Variants in ZBTB7B observed in about 807,000 individuals in gnomAD.
The protein encoded by ZBTB7B is zinc finger and BTB domain containing 7B.
ZBTB7B carries 8 observed loss-of-function variants against 31.0 expected under a neutral mutation model. The observed-to-expected ratio is 0.26, with a 90% confidence interval of 0.15 to 0.47. The LOEUF is 0.47. Ranked by LOEUF, ZBTB7B falls within the 20% of genes least tolerant of loss-of-function variation. ZBTB7B has a pLI of 0.99. For synonymous variants in ZBTB7B, 261 were observed against 307.3 expected (o/e 0.85, Z 1.58); for missense variants, 494 against 742.4 (o/e 0.67, Z 3.89).
At chr1:155,010,810 T>TGG in intron 1 of ZBTB7B, 1 of 856,634 alleles carries the variant, frequency 1.2e-6, no homozygotes, top group Non-Finnish European at 1.8e-6. Flanking sequence ...GGAGTTGGGG[T>TGG]GGGGGGGTGG....
intron 1 of ZBTB7B, among the ~76,000 whole-genome samples, chr1:155,007,095 G>A (rs1367323877): frequency 6.6e-6 from 1 of 152,234 alleles, no homozygotes; most frequent in African/African-American, 2.4e-5. Context: ...TCAGAACTGG[G>A]ATGGGTTGGA....
Position 155,015,575 on chromosome 1 carries a change from A to C in ZBTB7B, c.915A>C (p.Ser305=). 6.2e-7 allele frequency: 1 copy of C among 1,613,810 alleles called. No homozygotes were observed. Among genetic ancestry groups the C allele is most frequent in the Non-Finnish European group, 8.5e-7 (1 of 1,179,956 alleles). ...CGCTGTCCCCAGAGGAGCTGGGCTCAGATGAGGATGCCATCGATCCTGACC... is the reference window on the plus strand; with the variant it reads ...CGCTGTCCCCAGAGGAGCTGGGCTCCGATGAGGATGCCATCGATCCTGACC... The part of the protein sequence containing the change: ...GPPLSPEELG[S]DEDAIDPDLM... The change falls in exon 2 of 3, where the codon TCA becomes TCC. Residue 305 remains serine, a synonymous_variant. Transcript: ENST00000535420.
chr1:155,005,284 G>C (rs958784301), intron 1 of ZBTB7B, among the ~76,000 whole-genome samples: 3 of 152,132 alleles, frequency 2.0e-5, no homozygotes, highest in African/African-American at 7.2e-5. Flanking sequence ...AAGCAGGTGG[G>C]GAGGAAAGGG....
intron 1 of ZBTB7B, among the ~76,000 whole-genome samples, chr1:155,009,391 G>T (rs1205319979): frequency 6.6e-6 from 1 of 152,024 alleles, no homozygotes; most frequent in Non-Finnish European, 1.5e-5. Context: ...GGGGGGAGGG[G>T]GTGGGCACAG....
At chr1:155,014,351 C>A in intron 1 of ZBTB7B, 1 of 298,386 alleles carries the variant, frequency 3.4e-6, no homozygotes, top group Non-Finnish European at 6.2e-6. Context: ...CTCCTGCTGC[C>A]ACAGAGGCAG....
Position 155,016,154 on chromosome 1 carries a change from A to G in ZBTB7B, c.1155-66A>G. Reference sequence around the variant, plus strand: ...AGGGATGGGACAAGGCCAGGGTGGGATGACCAGGAGGAGCCAGGGATCCCA... The same window carrying G: ...AGGGATGGGACAAGGCCAGGGTGGGGTGACCAGGAGGAGCCAGGGATCCCA... On this transcript the variant is annotated intron_variant, in intron 2 of 2. Coordinates refer to ENST00000535420, the MANE Select transcript of ZBTB7B (RefSeq NM_001256455.2). The surrounding 1 kb of genome is among the most constrained non-coding windows in gnomAD (Gnocchi z 4.3). The G allele has an allele frequency of 6.5e-7, 1 of 1,532,068 alleles. No individual in the cohort carries two copies. Among genetic ancestry groups the G allele is most frequent in the Non-Finnish European group, 8.9e-7 (1 of 1,121,238 alleles). The allele number at this position is 1,532,068 out of a possible 1,614,324, so 94.9% of individuals were successfully genotyped here. A position where few individuals can be genotyped will look rare whatever the true frequency, so the allele number is the denominator to read the frequency against.
chr1:155,018,021 G>C lies in ZBTB7B; in HGVS notation c.*1336G>C, dbSNP rs1004346177. 6.4e-6 allele frequency: 1 copy of C among 156,870 alleles called. No individual in the cohort carries two copies. Among genetic ancestry groups the C allele is most frequent in the Admixed American group, 6.2e-5 (1 of 16,196 alleles). 9.7% of individuals were successfully genotyped at this position (156,870 alleles called of 1,614,324 possible). A position where few individuals can be genotyped will look rare whatever the true frequency, so the allele number is the denominator to read the frequency against. ...GGGTGGGGGACACCCCCCCTTCCTC[G>C]CTGGGTGCTGGACCCCTTTTGCAGC... On this transcript the variant is annotated 3_prime_UTR_variant, in exon 3 of 3. Coordinates refer to ENST00000535420, the MANE Select transcript of ZBTB7B (RefSeq NM_001256455.2).
Position 155,017,372 on chromosome 1 carries a change from A to AGTAGAGGGG in ZBTB7B, c.*688_*689insTAGAGGGGG. 1 of 108,600 alleles carries AGTAGAGGGG rather than the reference A, an allele frequency of 9.2e-6. No individual in the cohort carries two copies. The highest frequency in any genetic ancestry group is 3.1e-5 in the African/African-American group (1 of 32,376). 6.7% of individuals were successfully genotyped at this position (108,600 alleles called of 1,614,324 possible). A position where few individuals can be genotyped will look rare whatever the true frequency, so the allele number is the denominator to read the frequency against. ...TGGGGGCAGTAGAGGGGCCCCGCCC[A>AGTAGAGGGG]GCTAGGGGAGCCGCTCCGTTCCACT... On this transcript the variant is annotated 3_prime_UTR_variant, in exon 3 of 3. Coordinates refer to ENST00000535420, the MANE Select transcript of ZBTB7B (RefSeq NM_001256455.2).
chr1:155,016,867 C>G lies in ZBTB7B; in HGVS notation c.*182C>G. The G allele has an allele frequency of 1.8e-6, 1 of 561,540 alleles. No homozygotes were observed. Among genetic ancestry groups the G allele is most frequent in the Non-Finnish European group, 3.2e-6 (1 of 315,398 alleles). 34.8% of individuals were successfully genotyped at this position (561,540 alleles called of 1,614,324 possible). On this transcript the variant is annotated 3_prime_UTR_variant, in exon 3 of 3. Coordinates refer to ENST00000535420, the MANE Select transcript of ZBTB7B (RefSeq NM_001256455.2). This position sits in a 1 kb window ranked among gnomAD's most constrained non-coding sequence, Gnocchi z 4.3. ...CTAAGAAGGTATTGGGGCAGAGGCT[C>G]CCCAAATTGGGGTGATCCCCCAAGG...
chr1:155,010,037 A>G (rs1658844730), intron 1 of ZBTB7B, among the ~76,000 whole-genome samples: 2 of 151,952 alleles, frequency 1.3e-5, no homozygotes, highest in Non-Finnish European at 2.9e-5. Flanking sequence ...CAATGAGGGG[A>G]CAGAACCAGG....
Position 155,016,613 on chromosome 1 carries a change from G to C in ZBTB7B, c.1548G>C (p.Gly516=), listed in dbSNP as rs1659432744. The C allele has an allele frequency of 6.2e-7, 1 of 1,611,908 alleles. No homozygotes were observed. The highest frequency in any genetic ancestry group is 8.5e-7 in the Non-Finnish European group (1 of 1,178,734). The change falls in exon 3 of 3, where the codon GGG becomes GGC. Residue 516 remains glycine (G), a synonymous_variant. Transcript: ENST00000535420. The surrounding 1 kb of genome is among the most constrained non-coding windows in gnomAD (Gnocchi z 4.3). The stretch of plus-strand genomic sequence containing the variant: ...CTGGGCCCCCGGTCTCTACCCCAGG[G>C]CCCCCTGATGACGATGAGGAGGAAG... ...APTGPPVSTP[G]PPDDDEEEGA...
chr1:155,013,926 G>A, intron 1 of ZBTB7B: 1 of 583,922 alleles, frequency 1.7e-6, no homozygotes, highest in Non-Finnish European at 2.2e-6. Flanking sequence ...TAGAAGGGGA[G>A]ATGAACTTTT....
At chr1:155,014,485 AGAT>A in intron 1 of ZBTB7B, 167 bp from the exon 2 acceptor site, 1 of 643,806 alleles carries the variant, frequency 1.6e-6, no homozygotes, top group Admixed American at 3.0e-5. Flanking sequence ...TCTGTGAAAC[AGAT>A]GATGATCATA....
chr1:155,007,619 G>T (rs781335057), intron 1 of ZBTB7B, among the ~76,000 whole-genome samples: 1 of 152,222 alleles, frequency 6.6e-6, no homozygotes, highest in Non-Finnish European at 1.5e-5. Context: ...TGAGAACAGG[G>T]TCTTAGGCCT....
In ZBTB7B at chr1:155,017,354, A is replaced by AGTAGAGGG. The variant is rs1553257679; in HGVS notation, c.*671_*678dup. On this transcript the variant is annotated 3_prime_UTR_variant, in exon 3 of 3. Coordinates refer to ENST00000535420, the MANE Select transcript of ZBTB7B (RefSeq NM_001256455.2). ...GATTGGCTCGCCTGCCCCTGGGGGC[A>AGTAGAGGG]GTAGAGGGGCCCCGCCCAGCTAGGG... is the stretch of plus-strand genomic sequence containing the variant. 6.6e-6 allele frequency: 1 copy of AGTAGAGGG among 152,290 alleles called. No individual in the cohort carries two copies. Among genetic ancestry groups the AGTAGAGGG allele is most frequent in the Non-Finnish European group, 1.5e-5 (1 of 68,252 alleles). 9.4% of individuals were successfully genotyped at this position (152,290 alleles called of 1,614,324 possible).
chr1:155,008,320 CG>C (rs1658692317), intron 1 of ZBTB7B, among the ~76,000 whole-genome samples: 1 of 152,006 alleles, frequency 6.6e-6, no homozygotes, highest in Non-Finnish European at 1.5e-5. Flanking sequence ...ATGGGGAGGG[CG>C]GGGTGCCGCC....
At chr1:155,014,633 T>C in intron 1 of ZBTB7B, 22 bp from the exon 2 acceptor site, 3 of 1,592,392 alleles carry the variant, frequency 1.9e-6, no homozygotes, top group Non-Finnish European at 2.6e-6. Flanking sequence ...GCTCTTAATC[T>C]CCCCTCTACT....
In ZBTB7B at chr1:155,004,256, G is replaced by A. The variant is rs1037464706; in HGVS notation, c.-7+1313G>A. ...GGAGGGTGTTCTTGAATTGACCCCC[G>A]CCCGAATGCCTTGGAGACCCCTAGC... is the stretch of plus-strand genomic sequence containing the variant. On this transcript the variant is annotated intron_variant, in intron 1 of 2. Coordinates refer to ENST00000535420, the MANE Select transcript of ZBTB7B (RefSeq NM_001256455.2). This position sits in a 1 kb window ranked among gnomAD's most constrained non-coding sequence, Gnocchi z 4.0. Among the ~76,000 whole-genome samples, 9 of 152,130 alleles carry A rather than the reference G, an allele frequency of 5.9e-5. No individual in the cohort carries two copies. The highest frequency in any genetic ancestry group is 4.6e-4 in the Admixed American group (7 of 15,272).
intron 1 of ZBTB7B, chr1:155,010,878 T>C (rs1209567135): frequency 2.6e-6 from 4 of 1,518,076 alleles, no homozygotes; most frequent in Non-Finnish European, 3.5e-6. Flanking sequence ...ACCAGGAGCG[T>C]TGGGAAGAGC....
Sources: gnomAD v4.1 joint callset for allele counts (sites outside exome capture counted in the v4.1 genomes callset) on GRCh38, gnomAD v4.1.1 for gene constraint, Gnocchi (gnomAD v3.1) non-coding constraint, MANE v1.5 for transcripts, NCBI Gene and HGNC (gene_info 2026-07-23, HGNC 2026-07-21) for gene names.